The following LDAH variants were observed in gnomAD, a reference collection of about 807,000 sequenced individuals.
LDAH encodes the protein lipid droplet-associated hydrolase.
In LDAH, 26 loss-of-function variants were observed where a neutral mutation model predicts 29.6. That is an observed-to-expected ratio of 0.88 (90% confidence interval 0.64 to 1.22). LDAH has a LOEUF of 1.22. Ranked by LOEUF, LDAH falls within the 50% of genes most tolerant of loss-of-function variation. The pLI, the probability that LDAH is intolerant of heterozygous loss-of-function variation, is 0.00. For synonymous variants in LDAH, 117 were observed against 133.0 expected (o/e 0.88, Z 0.83); for missense variants, 344 against 387.3 (o/e 0.89, Z 0.94).
At position 20,718,367 on chromosome 2, in the gene LDAH, T is replaced by C. The variant is rs1247351388; in HGVS notation, c.704-16715A>G. On this transcript the variant is annotated intron_variant, in intron 5 of 6. Transcript: ENST00000237822. ...TTTAAAAAGAGCAGGAATAGCTATA[T>C]TTATAGCACATAAAATAGACTTTAA... is the stretch of plus-strand genomic sequence containing the variant. Among the ~76,000 whole-genome samples, 4 of 152,120 alleles carry C rather than the reference T, an allele frequency of 2.6e-5. No homozygotes were observed. In the East Asian group the frequency reaches 7.7e-4, roughly 29 times the overall value.
chr2:20,776,151 G>A (rs1452335218), intron 3 of LDAH, among the ~76,000 whole-genome samples: 1 of 152,158 alleles, frequency 6.6e-6, no homozygotes, highest in Non-Finnish European at 1.5e-5. Flanking sequence ...AGGCATTGAT[G>A]GGAATTACAG....
At chr2:20,764,175 T>G (rs1668868435) in intron 4 of LDAH, among the ~76,000 whole-genome samples, 1 of 122,692 alleles carries the variant, frequency 8.2e-6, no homozygotes, top group South Asian at 3.7e-4. Flanking sequence ...TCAGAAAAGA[T>G]AATGTGTGTG....
rs536555902 is a variant in LDAH, at chr2:20,743,320, T to C, written c.469-3115A>G. Among the ~76,000 whole-genome samples, 6 of 143,294 alleles carry C rather than the reference T, an allele frequency of 4.2e-5. No individual in the cohort carries two copies. In the South Asian group the frequency reaches 1.2e-3, roughly 30 times the overall value. 94.0% of individuals were successfully genotyped at this position (143,294 alleles called of 152,430 possible). ...AACTAGTCCAAGTCCACTTTTTTTT[T>C]TTTTTTTATTATACTTTAAGTTTTA... On this transcript the variant is annotated intron_variant, in intron 4 of 6. Coordinates refer to ENST00000237822, the MANE Select transcript of LDAH (RefSeq NM_021925.4).
At chr2:20,747,101 G>T (rs1355767617) in intron 4 of LDAH, among the ~76,000 whole-genome samples, 1 of 151,956 alleles carries the variant, frequency 6.6e-6, no homozygotes, top group Non-Finnish European at 1.5e-5. Flanking sequence ...GAAGTATGGT[G>T]CTTAGGTGTG....
chr2:20,776,467 G>A (rs1372115230), intron 3 of LDAH, among the ~76,000 whole-genome samples: 1 of 152,060 alleles, frequency 6.6e-6, no homozygotes, highest in Non-Finnish European at 1.5e-5. Context: ...CCAAAGTCCA[G>A]CATACAGTTA....
At position 20,761,341 on chromosome 2, in the gene LDAH, T is replaced by A. The variant is rs62124020; in HGVS notation, c.468+13469A>T. Among the ~76,000 whole-genome samples, 4 of 152,038 alleles carry A rather than the reference T, an allele frequency of 2.6e-5. No individual in the cohort carries two copies. In the South Asian group the frequency reaches 8.3e-4, roughly 32 times the overall value. On this transcript the variant is annotated intron_variant, in intron 4 of 6. Transcript: ENST00000237822. ...GATGTGTAAGACCCTATGCTAGAAC[T>A]TGCAAGGGTACAAAGAAAACAAGCC...
At chr2:20,710,627 T>C (rs113327329) in intron 5 of LDAH, among the ~76,000 whole-genome samples, 1 of 139,234 alleles carries the variant, frequency 7.2e-6, no homozygotes, top group Non-Finnish European at 1.5e-5. Flanking sequence ...TATAGATATA[T>C]ATATATAGAT....
At chr2:20,696,233 T>C (rs1027917751) in intron 6 of LDAH, among the ~76,000 whole-genome samples, 35 of 152,128 alleles carry the variant, frequency 2.3e-4, no homozygotes, top group African/African-American at 8.5e-4. Flanking sequence ...GTCAGAAGGA[T>C]TTGCATGCCC....
At chr2:20,721,510 A>G (rs1424599183) in intron 5 of LDAH, among the ~76,000 whole-genome samples, 2 of 152,044 alleles carry the variant, frequency 1.3e-5, no homozygotes, top group Non-Finnish European at 2.9e-5. Flanking sequence ...GTAACCAAAT[A>G]CCACCTGTTC....
At chr2:20,733,498 C>T (rs1354562646) in intron 5 of LDAH, among the ~76,000 whole-genome samples, 3 of 151,070 alleles carry the variant, frequency 2.0e-5, no homozygotes, top group South Asian at 2.1e-4. Flanking sequence ...TTCCCAGGCT[C>T]AAGGGATCCT....
At chr2:20,762,007 T>C in intron 4 of LDAH, among the ~76,000 whole-genome samples, 1 of 152,010 alleles carries the variant, frequency 6.6e-6, no homozygotes, top group Non-Finnish European at 1.5e-5. Flanking sequence ...ATTCATTTTA[T>C]AATTATCAAG....
intron 6 of LDAH, among the ~76,000 whole-genome samples, chr2:20,689,642 GCTCT>G (rs774213673): frequency 6.6e-5 from 10 of 152,148 alleles, no homozygotes; most frequent in Non-Finnish European, 1.5e-4. Context: ...ATAACATTAG[GCTCT>G]CTCTAAGCTA....
chr2:20,744,871 T>C (rs1667462760), intron 4 of LDAH, among the ~76,000 whole-genome samples: 1 of 152,194 alleles, frequency 6.6e-6, no homozygotes, highest in African/African-American at 2.4e-5. Context: ...TTTTCTACCA[T>C]GGCACTGCTT....
chr2:20,769,174 C>T (rs1558460585), intron 4 of LDAH, among the ~76,000 whole-genome samples: 1 of 152,142 alleles, frequency 6.6e-6, no homozygotes, highest in Non-Finnish European at 1.5e-5. Context: ...ACAGTACCCC[C>T]TAGCCACCAT....
chr2:20,777,379 A>G (rs578060540), intron 3 of LDAH, among the ~76,000 whole-genome samples: 1 of 152,316 alleles, frequency 6.6e-6, no homozygotes, highest in Non-Finnish European at 1.5e-5. Context: ...CTTTCTAAAA[A>G]TGTACAATGA....
Position 20,685,947 on chromosome 2 carries a change from T to C in LDAH, c.*956A>G. 3.8e-6 allele frequency: 1 copy of C among 265,130 alleles called. No individual in the cohort carries two copies. Among genetic ancestry groups the C allele is most frequent in the East Asian group, 7.5e-5 (1 of 13,250 alleles). 16.4% of individuals were successfully genotyped at this position (265,130 alleles called of 1,614,324 possible). A position where few individuals can be genotyped will look rare whatever the true frequency, so the allele number is the denominator to read the frequency against. ...TACTGAGCAGTTTAAAAGAAGCTTT[T>C]AAAAATTATTCACTAGAAGATTTCC... On this transcript the variant is annotated 3_prime_UTR_variant, in exon 7 of 7. Transcript: ENST00000237822.
rs1663703790 is a variant in LDAH at position 20,698,876 on chromosome 2, T to C, written c.786+2694A>G. Among the ~76,000 whole-genome samples the C allele has an allele frequency of 6.6e-6, 1 of 152,204 alleles. No homozygotes were observed. The highest frequency in any genetic ancestry group is 2.4e-5 in the African/African-American group (1 of 41,452). ...AGGATAATCAGCTCAACAGATCTTT[T>C]AGAGCTAAAAATGCCCATTTTCCTC... On this transcript the variant is annotated intron_variant, in intron 6 of 6. Transcript: ENST00000237822. This position sits in a 1 kb window ranked among gnomAD's most constrained non-coding sequence, Gnocchi z 4.4.
At chr2:20,796,782 T>G (rs1671332996) in intron 2 of LDAH, among the ~76,000 whole-genome samples, 1 of 152,178 alleles carries the variant, frequency 6.6e-6, no homozygotes. Flanking sequence ...CTTCTGATCC[T>G]GACACCAACT....
chr2:20,729,035 G>A (rs1432028282), intron 5 of LDAH, among the ~76,000 whole-genome samples: 2 of 152,218 alleles, frequency 1.3e-5, no homozygotes, highest in Non-Finnish European at 2.9e-5. Flanking sequence ...TATCAGGGTT[G>A]TGTGAGAAAG....
Sources: allele counts gnomAD v4.1 joint callset (sites outside exome capture counted in the v4.1 genomes callset), GRCh38; gene constraint gnomAD v4.1.1; non-coding constraint Gnocchi (gnomAD v3.1); transcripts MANE v1.5; gene names NCBI Gene and HGNC (gene_info 2026-07-23, HGNC 2026-07-21).